Variants in UGT1A9 observed in about 807,000 individuals in gnomAD.
UGT1A9 encodes UDP glucuronosyltransferase family 1 member A9.
In UGT1A9, 35 loss-of-function variants were observed where a neutral mutation model predicts 45.0. The ratio of observed to expected loss-of-function variants is 0.78; its 90% CI spans 0.59 to 1.03. UGT1A9 has a LOEUF of 1.03. Among genes scored for constraint, UGT1A9 ranks in the 50% least tolerant of loss-of-function variants. The pLI, the probability that UGT1A9 is intolerant of heterozygous loss-of-function variation, is 0.00. For synonymous variants in UGT1A9, 278 were observed against 250.6 expected (o/e 1.11, Z -1.03); for missense variants, 687 against 666.6 (o/e 1.03, Z -0.34).
rs1301858882 is a variant in UGT1A9 at position 233,760,759 on chromosome 2, C to T, written c.856-6275C>T. 2.5e-6 allele frequency: 4 copies of T among 1,613,948 alleles called. No homozygotes were observed. In the African/African-American group the frequency reaches 4.0e-5, roughly 16 times the overall value. On this transcript the variant is annotated intron_variant, in intron 1 of 4. Transcript: ENST00000354728. Reference sequence around the variant, plus strand: ...GACGGACCCTTTCCTTCCTTGCAGCCCCATCGTGGCCCAGTACCTGTCTCT... The same window carrying T: ...GACGGACCCTTTCCTTCCTTGCAGCTCCATCGTGGCCCAGTACCTGTCTCT...
chr2:233,732,903 T>A (rs1448905954), intron 1 of UGT1A9, among the ~76,000 whole-genome samples: 1 of 152,162 alleles, frequency 6.6e-6, no homozygotes, highest in Non-Finnish European at 1.5e-5. Flanking sequence ...CCTTGGGCAG[T>A]ATGGCCATTT....
Position 233,691,503 on chromosome 2 carries a change from C to T in UGT1A9, c.855+18714C>T, listed in dbSNP as rs1435910007. Reference sequence around the variant, plus strand: ...ACTTGTGGGTGGGAACAGGAACTCGCGTGCCAGCCAGGTGTGCATGACTAG... The same window carrying T: ...ACTTGTGGGTGGGAACAGGAACTCGTGTGCCAGCCAGGTGTGCATGACTAG... On this transcript the variant is annotated intron_variant, in intron 1 of 4. Transcript: ENST00000354728. 2.1e-5 allele frequency: 21 copies of T among 985,612 alleles called. No individual in the cohort carries two copies. The South Asian group carries it at 3.8e-4, about 18-fold the overall frequency. The allele number at this position is 985,612 out of a possible 1,614,324, so 61.1% of individuals were successfully genotyped here. A position where few individuals can be genotyped will look rare whatever the true frequency, so the allele number is the denominator to read the frequency against.
In UGT1A9 at chr2:233,769,970, G is replaced by A. The variant is rs1018671340; in HGVS notation, c.1295+1531G>A. On this transcript the variant is annotated intron_variant, in intron 4 of 4. Coordinates refer to ENST00000354728, the MANE Select transcript of UGT1A9 (RefSeq NM_021027.3). The surrounding 1 kb of genome is among the most constrained non-coding windows in gnomAD (Gnocchi z 4.4). ...AGCGGCTTCTTCTGGCCACCTCAAT[G>A]TCAGGATGTCCTGCTCACATATCAA... 2.9e-5 allele frequency: 6 copies of A among 208,668 alleles called. No individual in the cohort carries two copies. The highest frequency in any genetic ancestry group is 2.2e-4 in the South Asian group (2 of 9,026). The allele number at this position is 208,668 out of a possible 1,614,324, so 12.9% of individuals were successfully genotyped here.
At chr2:233,749,503 T>C (rs1362784067) in intron 1 of UGT1A9, among the ~76,000 whole-genome samples, 2 of 151,872 alleles carry the variant, frequency 1.3e-5, no homozygotes, top group African/African-American at 2.4e-5. Flanking sequence ...CTTAGAGAAT[T>C]AGAGAACACT....
intron 1 of UGT1A9, chr2:233,719,622 C>T: frequency 4.3e-6 from 7 of 1,614,034 alleles, no homozygotes; most frequent in Non-Finnish European, 5.9e-6. Flanking sequence ...CTACCCCAGG[C>T]CGATCATGCC....
intron 1 of UGT1A9, chr2:233,761,093 T>G: frequency 6.2e-7 from 1 of 1,614,222 alleles, no homozygotes; most frequent in Non-Finnish European, 8.5e-7. Flanking sequence ...AGGCCCATCA[T>G]GCCCAATATG....
Position 233,672,036 on chromosome 2 carries a change from T to C in UGT1A9, c.102T>C (p.Asp34=), listed in dbSNP as rs1575415485. The C allele has an allele frequency of 1.2e-6, 2 of 1,614,016 alleles. No individual in the cohort carries two copies. The highest frequency in any genetic ancestry group is 2.7e-5 in the African/African-American group (2 of 74,928). ...EAGKLLVVPM[D]GSHWFTMRSV... ...GGAAGCTACTGGTAGTGCCCATGGA[T>C]GGGAGCCACTGGTTCACCATGAGGT... The change falls in exon 1 of 5, where the codon GAT becomes GAC. Residue 34 remains aspartate (D), a synonymous_variant. Transcript: ENST00000354728.
chr2:233,690,950 T>G (rs2075022597), intron 1 of UGT1A9: 1 of 1,011,308 alleles, frequency 9.9e-7, no homozygotes. Context: ...TCATGTTCTG[T>G]AGGGACTTCT....
At chr2:233,755,297 A>G in intron 1 of UGT1A9, 2 of 623,206 alleles carry the variant, frequency 3.2e-6, no homozygotes, top group East Asian at 6.1e-5. Context: ...CCTGCGGGGC[A>G]CTGGCACAGC....
At chr2:233,731,424 A>G (rs1264349452) in intron 1 of UGT1A9, among the ~76,000 whole-genome samples, 1 of 151,642 alleles carries the variant, frequency 6.6e-6, no homozygotes, top group East Asian at 1.9e-4. Context: ...TCCTAATGCC[A>G]TCCCTCCCCC....
chr2:233,712,151 A>G (rs1476904352), intron 1 of UGT1A9, among the ~76,000 whole-genome samples: 5 of 152,214 alleles, frequency 3.3e-5, no homozygotes, highest in Non-Finnish European at 2.9e-5. Context: ...TCAGAAGAGG[A>G]ATTCAGACTG....
rs1407595030 is a variant in UGT1A9, at chr2:233,768,410, T to C, written c.1266T>C (p.Asn422=). 6.2e-7 allele frequency: 1 copy of C among 1,614,120 alleles called. No homozygotes were observed. Among genetic ancestry groups the C allele is most frequent in the East Asian group, 2.2e-5 (1 of 44,882 alleles). ...AAATGACTTCTGAAGATTTAGAAAA[T>C]GCTCTAAAAGCAGTCATCAATGACA... is the stretch of plus-strand genomic sequence containing the variant. ...VLEMTSEDLE[N]ALKAVINDKS... Residue 422 remains asparagine, a synonymous_variant, in exon 4 of 5, where the codon AAT becomes AAC. Transcript: ENST00000354728.
chr2:233,768,861 G>A (rs1031930019), intron 4 of UGT1A9, among the ~76,000 whole-genome samples: 1 of 152,004 alleles, frequency 6.6e-6, no homozygotes, highest in African/African-American at 2.4e-5. Flanking sequence ...TGAGATTACA[G>A]GCATGAGCCA....
chr2:233,756,673 G>A (rs542273174), intron 1 of UGT1A9, among the ~76,000 whole-genome samples: 1 of 152,146 alleles, frequency 6.6e-6, no homozygotes, highest in Non-Finnish European at 1.5e-5. Flanking sequence ...ATTTCCGCTA[G>A]AACTGCTATA....
intron 1 of UGT1A9, among the ~76,000 whole-genome samples, chr2:233,698,008 G>A (rs556681308): frequency 6.6e-6 from 1 of 152,082 alleles, no homozygotes; most frequent in Non-Finnish European, 1.5e-5. Context: ...TATCATTTCT[G>A]CACATTGGTA....
At chr2:233,721,999 A>G (rs1463858336) in intron 1 of UGT1A9, 3 of 263,690 alleles carry the variant, frequency 1.1e-5, no homozygotes, top group African/African-American at 6.7e-5. Flanking sequence ...AATGTCCTTT[A>G]AGTGAACAGG....
chr2:233,747,267 C>T (rs1178293466), intron 1 of UGT1A9: 115 of 1,599,414 alleles, frequency 7.2e-5, no homozygotes, highest in Non-Finnish European at 9.0e-5. Flanking sequence ...GAGTGCTACT[C>T]CTTCTCAGTG....
intron 1 of UGT1A9, chr2:233,718,007 C>T (rs2076621733): frequency 2.5e-6 from 1 of 406,536 alleles, no homozygotes; most frequent in Admixed American, 2.7e-5. Context: ...GATCTGAGGC[C>T]AGGCTCCAGC....
chr2:233,749,426 C>T (rs1034149432), intron 1 of UGT1A9, among the ~76,000 whole-genome samples: 2 of 151,878 alleles, frequency 1.3e-5, no homozygotes, highest in African/African-American at 4.9e-5. Flanking sequence ...TTGCTCAAAA[C>T]TTCACTGTCA....
Sources: allele counts gnomAD v4.1 joint callset (sites outside exome capture counted in the v4.1 genomes callset), GRCh38; gene constraint gnomAD v4.1.1; non-coding constraint Gnocchi (gnomAD v3.1); transcripts MANE v1.5; gene names NCBI Gene and HGNC (gene_info 2026-07-23, HGNC 2026-07-21).